The following ULK4 variants were observed in gnomAD, a reference collection of about 807,000 sequenced individuals.
The protein encoded by ULK4 is unc-51 like kinase 4.
A neutral mutation model predicts 160.6 loss-of-function variants in ULK4; 133 were observed. The ratio of observed to expected loss-of-function variants is 0.83; its 90% CI spans 0.72 to 0.96. The LOEUF (loss-of-function observed/expected upper bound fraction) is 0.96, where lower values mean the gene tolerates loss of function less well. ULK4 is among the 40% of genes least tolerant of loss of function. The pLI is 0.00. For missense variants in ULK4, 1,580 were observed against 1,499.5 expected (o/e 1.05, Z -0.89); for synonymous variants, 534 against 539.8 (o/e 0.99, Z 0.15).
intron 32 of ULK4, among the ~76,000 whole-genome samples, chr3:41,499,867 A>G (rs1488479658): frequency 6.6e-6 from 1 of 152,204 alleles, no homozygotes; most frequent in African/African-American, 2.4e-5. Flanking sequence ...AATTATATTC[A>G]CCTTGGTTAT....
At chr3:41,346,977 G>A (rs2080813116) in intron 35 of ULK4, among the ~76,000 whole-genome samples, 1 of 151,890 alleles carries the variant, frequency 6.6e-6, no homozygotes, top group Non-Finnish European at 1.5e-5. Flanking sequence ...TACAATACAT[G>A]GAGTCATTAC....
rs187208274 is a variant in ULK4, at chr3:41,368,297, A to C, written c.3678+29782T>G. Among the ~76,000 whole-genome samples the C allele has an allele frequency of 1.0e-2, 1,514 of 151,834 alleles. 15 individuals are homozygous for C. Among genetic ancestry groups the C allele is most frequent in the African/African-American group, 0.027 (1,107 of 41,432 alleles). On this transcript the variant is annotated intron_variant, in intron 35 of 36. Transcript: ENST00000301831. ...ATCTCCTGACCTCGTGATCCACCCA[A>C]CTCGGCCTCCCAAAGTGCTGTGATT...
At chr3:41,300,497 A>G (rs2079762819) in intron 35 of ULK4, among the ~76,000 whole-genome samples, 1 of 152,086 alleles carries the variant, frequency 6.6e-6, no homozygotes, top group African/African-American at 2.4e-5. Flanking sequence ...ACTCTACAGG[A>G]TTTTGTCGTA....
intron 32 of ULK4, among the ~76,000 whole-genome samples, chr3:41,477,712 T>G (rs2084185822): frequency 6.6e-6 from 1 of 152,244 alleles, no homozygotes; most frequent in Non-Finnish European, 1.5e-5. Context: ...TTGGACATAC[T>G]GACAGGTTAT....
At chr3:41,341,369 GATA>G (rs1474902204) in intron 35 of ULK4, among the ~76,000 whole-genome samples, 2 of 152,162 alleles carry the variant, frequency 1.3e-5, no homozygotes, top group African/African-American at 4.8e-5. Context: ...CTTCAGGGTG[GATA>G]AAGATACTTC....
At chr3:41,856,558 TATACAC>T (rs2042353643) in intron 17 of ULK4, among the ~76,000 whole-genome samples, 12 of 43,508 alleles carry the variant, frequency 2.8e-4, no homozygotes, top group African/African-American at 1.1e-3. Context: ...TGTGTATATA[TATACAC>T]ATATATATAT....
chr3:41,951,680 C>T (rs1232014972), intron 2 of ULK4, among the ~76,000 whole-genome samples: 2 of 152,206 alleles, frequency 1.3e-5, no homozygotes, highest in Admixed American at 1.3e-4. Flanking sequence ...CTGTTGTGGT[C>T]TGAATGTGTC....
At chr3:41,424,141 T>G (rs1259705322) in intron 34 of ULK4, among the ~76,000 whole-genome samples, 2 of 151,892 alleles carry the variant, frequency 1.3e-5, no homozygotes, top group Admixed American at 1.3e-4. Context: ...CAGGAGGAAT[T>G]CTTCACAGGG....
chr3:41,318,470 G>A lies in ULK4; in HGVS notation c.3679-68896C>T, dbSNP rs550285515. 3.5e-4 allele frequency among the ~76,000 whole-genome samples: 54 copies of A among 152,150 alleles called. No homozygotes were observed. In the South Asian group the frequency reaches 0.011, roughly 31 times the overall value. On this transcript the variant is annotated intron_variant, in intron 35 of 36. Coordinates refer to ENST00000301831, the MANE Select transcript of ULK4 (RefSeq NM_017886.4). ...GTGTTCAAAACTTCAGTTTTCTTAA[G>A]TATACTTAAAACTTAATTAGTACTG... is the stretch of plus-strand genomic sequence containing the variant.
intron 32 of ULK4, among the ~76,000 whole-genome samples, chr3:41,515,010 G>A (rs2085704260): frequency 6.6e-6 from 1 of 152,122 alleles, no homozygotes; most frequent in Non-Finnish European, 1.5e-5. Context: ...ATTGCAGCAT[G>A]TTGGGAGGCT....
intron 17 of ULK4, among the ~76,000 whole-genome samples, chr3:41,870,714 C>T (rs970986620): frequency 1.3e-5 from 2 of 152,040 alleles, no homozygotes; most frequent in African/African-American, 4.8e-5. Context: ...CACACAACTA[C>T]CACTGCAATC....
At chr3:41,559,337 C>T (rs1158818460) in intron 32 of ULK4, among the ~76,000 whole-genome samples, 1 of 138,682 alleles carries the variant, frequency 7.2e-6, no homozygotes, top group South Asian at 2.4e-4. Context: ...AATAAACATA[C>T]GTGTGCATGT....
intron 31 of ULK4, among the ~76,000 whole-genome samples, chr3:41,594,103 G>T (rs1225836995): frequency 6.6e-6 from 1 of 152,080 alleles, no homozygotes; most frequent in African/African-American, 2.4e-5. Flanking sequence ...GGCAAGCAGA[G>T]TTATTTTTAA....
intron 32 of ULK4, among the ~76,000 whole-genome samples, chr3:41,494,508 GA>G (rs1028641044): frequency 1.1e-4 from 17 of 150,652 alleles, no homozygotes; most frequent in Non-Finnish European, 2.2e-4. Flanking sequence ...CATTCCCTTT[GA>G]AAACTGGCAC....
intron 17 of ULK4, among the ~76,000 whole-genome samples, chr3:41,856,673 ATAG>A: frequency 6.8e-6 from 1 of 147,686 alleles, no homozygotes; most frequent in Non-Finnish European, 1.5e-5. Context: ...ATCCAACAGG[ATAG>A]TCTTTCCAGA....
intron 21 of ULK4, among the ~76,000 whole-genome samples, chr3:41,760,269 G>C (rs938249511): frequency 1.3e-5 from 2 of 152,058 alleles, no homozygotes; most frequent in African/African-American, 4.8e-5. Context: ...CATGAAAAAC[G>C]GTGAGTATGT....
At chr3:41,773,908 A>T (rs1335787637) in intron 21 of ULK4, among the ~76,000 whole-genome samples, 1 of 152,220 alleles carries the variant, frequency 6.6e-6, no homozygotes, top group African/African-American at 2.4e-5. Flanking sequence ...AGCCCTCAGA[A>T]ATAATGCCGC....
chr3:41,820,412 T>C (rs1336219620), intron 18 of ULK4, among the ~76,000 whole-genome samples: 1 of 152,144 alleles, frequency 6.6e-6, no homozygotes, highest in Admixed American at 6.6e-5. Flanking sequence ...GGAATCAACT[T>C]AGGTGCCCAT....
At chr3:41,446,383 C>T (rs2083297450) in intron 34 of ULK4, among the ~76,000 whole-genome samples, 1 of 151,986 alleles carries the variant, frequency 6.6e-6, no homozygotes, top group Non-Finnish European at 1.5e-5. Context: ...TGGGTATATA[C>T]CCAAAGGATT....
Sources: allele counts gnomAD v4.1 joint callset (sites outside exome capture counted in the v4.1 genomes callset), GRCh38; gene constraint gnomAD v4.1.1; transcripts MANE v1.5; gene names NCBI Gene and HGNC (gene_info 2026-07-23, HGNC 2026-07-21).